The following DPH6 variants were observed in gnomAD, a reference collection of about 807,000 sequenced individuals.
The protein encoded by DPH6 is diphthamine biosynthesis 6.
In DPH6, 33 loss-of-function variants were observed where a neutral mutation model predicts 38.2. That is an observed-to-expected ratio of 0.86 (90% CI 0.65 to 1.15). DPH6 has a LOEUF of 1.15. Among genes scored for constraint, DPH6 ranks in the 50% most tolerant of loss-of-function variants. The pLI, the probability that DPH6 is intolerant of heterozygous loss-of-function variation, is 0.00. For missense variants in DPH6, 325 were observed against 320.0 expected (o/e 1.02, Z -0.12); for synonymous variants, 108 against 103.0 (o/e 1.05, Z -0.30).
the DPH6 span, among the ~76,000 whole-genome samples, chr15:35,151,015 C>T: frequency 1.3e-5 from 2 of 152,260 alleles, no homozygotes. Context: ...TCTCCTGCTT[C>T]ACCAACCCCG....
At chr15:35,165,506 T>C in the DPH6 span, among the ~76,000 whole-genome samples, 2 of 151,988 alleles carry the variant, frequency 1.3e-5, no homozygotes, top group African/African-American at 4.8e-5. Context: ...TCCATAACTA[T>C]AGGTGTTGAA....
At chr15:35,467,274 A>G (rs765714877) in intron 3 of DPH6, among the ~76,000 whole-genome samples, 8 of 152,190 alleles carry the variant, frequency 5.3e-5, no homozygotes, top group African/African-American at 2.4e-5. Context: ...GTTAAAAACT[A>G]AGACCCAAGA....
At chr15:35,283,986 C>A (rs2051920812) in intron 3 of DPH6, among the ~76,000 whole-genome samples, 1 of 152,144 alleles carries the variant, frequency 6.6e-6, no homozygotes, top group Non-Finnish European at 1.5e-5. Context: ...TTTCATTAAG[C>A]ATAAATTTTA....
At chr15:35,529,996 G>A (rs1163129403) in intron 3 of DPH6, among the ~76,000 whole-genome samples, 1 of 152,040 alleles carries the variant, frequency 6.6e-6, no homozygotes, top group Non-Finnish European at 1.5e-5. Context: ...GACTGAAGAT[G>A]TTCCCAATTT....
chr15:35,265,439 C>A (rs1017219353), intron 3 of DPH6, among the ~76,000 whole-genome samples: 18 of 152,140 alleles, frequency 1.2e-4, no homozygotes, highest in Non-Finnish European at 1.9e-4. Flanking sequence ...ATTCTTTAGG[C>A]ATTTCTTCAA....
At chr15:35,170,951 T>TAATGTTGTATTTTTA in the DPH6 span, among the ~76,000 whole-genome samples, 3 of 152,240 alleles carry the variant, frequency 2.0e-5, no homozygotes, top group Non-Finnish European at 4.4e-5. Context: ...TTCAGCATTA[T>TAATGTTGTATTTTTA]AATGTTGTAT....
chr15:35,184,939 G>A, the DPH6 span, among the ~76,000 whole-genome samples: 3 of 152,098 alleles, frequency 2.0e-5, no homozygotes, highest in African/African-American at 7.2e-5. Flanking sequence ...TTTTCCCAAA[G>A]TTTTCCATTG....
chr15:35,189,735 C>A, the DPH6 span, among the ~76,000 whole-genome samples: 1 of 152,004 alleles, frequency 6.6e-6, no homozygotes, highest in Non-Finnish European at 1.5e-5. Context: ...AGAAAAGCCA[C>A]GACAAATTTA....
chr15:35,535,915 G>A (rs913372196), intron 3 of DPH6, among the ~76,000 whole-genome samples: 1 of 152,070 alleles, frequency 6.6e-6, no homozygotes, highest in Middle Eastern at 3.4e-3. Flanking sequence ...TAAACTCTTT[G>A]CAAAAAGGAA....
chr15:35,281,775 AAT>A (rs2051901049), intron 3 of DPH6, among the ~76,000 whole-genome samples: 1 of 152,230 alleles, frequency 6.6e-6, no homozygotes, highest in Non-Finnish European at 1.5e-5. Flanking sequence ...CTTAAGGAAG[AAT>A]ATGTTTGGAG....
intron 3 of DPH6, among the ~76,000 whole-genome samples, chr15:35,344,475 C>T (rs1185701983): frequency 6.6e-6 from 1 of 151,842 alleles, no homozygotes; most frequent in Admixed American, 6.6e-5. Flanking sequence ...CAATTACCAT[C>T]CCCTGTTCTT....
chr15:35,339,899 C>G (rs2052407197), intron 3 of DPH6, among the ~76,000 whole-genome samples: 2 of 152,156 alleles, frequency 1.3e-5, no homozygotes, highest in African/African-American at 2.4e-5. Flanking sequence ...ATCAAGTCCA[C>G]TTAGTCCACA....
intron 3 of DPH6, among the ~76,000 whole-genome samples, chr15:35,243,410 G>T (rs1320989621): frequency 5.6e-5 from 8 of 142,972 alleles, no homozygotes; most frequent in African/African-American, 2.0e-4. Context: ...GGAATGTCAG[G>T]CCTCTGAGCC....
intron 3 of DPH6, among the ~76,000 whole-genome samples, chr15:35,271,529 G>A (rs1183728754): frequency 6.6e-6 from 1 of 152,242 alleles, no homozygotes; most frequent in Non-Finnish European, 1.5e-5. Context: ...AATAGAGCAT[G>A]ACTCATCCAT....
At chr15:35,236,756 C>T in intron 3 of DPH6, among the ~76,000 whole-genome samples, 1 of 151,952 alleles carries the variant, frequency 6.6e-6, no homozygotes, top group East Asian at 1.9e-4. Flanking sequence ...TTTTGTGGAC[C>T]TGTAAACCAG....
chr15:35,195,770 C>T, the DPH6 span, among the ~76,000 whole-genome samples: 450 of 152,274 alleles, frequency 3.0e-3, 1 homozygote, highest in African/African-American at 0.01. Flanking sequence ...CAGGACCCTG[C>T]TCTGCTCTGA....
At chr15:35,469,072 AAACAACAAC>A (rs10649323) in intron 3 of DPH6, among the ~76,000 whole-genome samples, 32 of 149,042 alleles carry the variant, frequency 2.1e-4, no homozygotes, top group Admixed American at 6.7e-4. Context: ...CTCTGCTTCA[AAACAACAAC>A]AACAACAACA....
At chr15:35,188,021 G>C in the DPH6 span, among the ~76,000 whole-genome samples, 1 of 152,108 alleles carries the variant, frequency 6.6e-6, no homozygotes, top group Non-Finnish European at 1.5e-5. Context: ...TGCTACAGTA[G>C]GTAGCTAGTC....
At chr15:35,387,562 C>T (rs1002771598) in intron 6 of DPH6, among the ~76,000 whole-genome samples, 13 of 152,094 alleles carry the variant, frequency 8.5e-5, no homozygotes, top group Non-Finnish European at 1.6e-4. Context: ...CTTCACATCC[C>T]TTGTAAGTTG....
Sources: allele counts gnomAD v4.1 joint callset (sites outside exome capture counted in the v4.1 genomes callset), GRCh38; gene constraint gnomAD v4.1.1; transcripts MANE v1.5; gene names NCBI Gene and HGNC (gene_info 2026-07-23, HGNC 2026-07-21).